CBFA2T3: variants seen among roughly 807,000 people sequenced by gnomAD.
CBFA2T3 encodes the protein CBFA2/RUNX1 partner transcriptional co-repressor 3, also known as transcriptional corepressor CBFA2T3.
Under a neutral mutation model 58.6 loss-of-function variants are expected in CBFA2T3, and 31 were observed. That is an observed-to-expected ratio of 0.53 (90% CI 0.40 to 0.71). The LOEUF is 0.71. Ranked by LOEUF, CBFA2T3 falls within the 30% of genes least tolerant of loss-of-function variation. The pLI, the probability that CBFA2T3 is intolerant of heterozygous loss-of-function variation, is 0.00. For synonymous variants in CBFA2T3, 531 were observed against 421.9 expected (o/e 1.26, Z -3.17); for missense variants, 1,076 against 963.1 (o/e 1.12, Z -1.55).
rs774528713 is a variant in CBFA2T3, at chr16:88,876,551, C to T, written c.*425G>A. On this transcript the variant is annotated 3_prime_UTR_variant, in exon 12 of 12. Coordinates refer to ENST00000268679, the MANE Select transcript of CBFA2T3 (RefSeq NM_005187.6). ...TTGCTGAAAATATAAGCCACCAATT[C>T]GATTTTTTCATTGAAGAGAAAGTGT... The T allele has an allele frequency of 1.4e-4, 33 of 244,226 alleles. No individual in the cohort carries two copies. The highest frequency in any genetic ancestry group is 5.3e-4 in the South Asian group (3 of 5,662). The allele number at this position is 244,226 out of a possible 1,614,324, so 15.1% of individuals were successfully genotyped here. A position where few individuals can be genotyped will look rare whatever the true frequency, so the allele number is the denominator to read the frequency against.
intron 1 of CBFA2T3, among the ~76,000 whole-genome samples, chr16:88,903,138 A>G (rs999114827): frequency 9.2e-5 from 14 of 152,180 alleles, no homozygotes; most frequent in Non-Finnish European, 2.1e-4. Flanking sequence ...TCAGACGGAG[A>G]GATCCACCCA....
At chr16:88,946,686 T>A (rs1971911463) in intron 1 of CBFA2T3, among the ~76,000 whole-genome samples, 1 of 152,164 alleles carries the variant, frequency 6.6e-6, no homozygotes, top group Admixed American at 6.5e-5. Context: ...TTTCACCATG[T>A]TGGCCAGGCT....
At chr16:88,896,192 T>C (rs1277283144) in intron 3 of CBFA2T3, among the ~76,000 whole-genome samples, 1 of 152,106 alleles carries the variant, frequency 6.6e-6, no homozygotes, top group Non-Finnish European at 1.5e-5. Flanking sequence ...CACAAAACCT[T>C]GAGTGCACGC....
At chr16:88,962,425 A>C (rs1373254765) in intron 1 of CBFA2T3, among the ~76,000 whole-genome samples, 1 of 152,258 alleles carries the variant, frequency 6.6e-6, no homozygotes, top group Non-Finnish European at 1.5e-5. Context: ...TGCTGTGTCC[A>C]CTGTGTCTGC....
chr16:88,877,061 G>A lies in CBFA2T3; in HGVS notation c.1877C>T (p.Ala626Val). The A allele has an allele frequency of 1.3e-6, 2 of 1,526,284 alleles. No individual in the cohort carries two copies. The highest frequency in any genetic ancestry group is 1.2e-5 in the South Asian group (1 of 83,226). The allele number at this position is 1,526,284 out of a possible 1,614,324, so 94.5% of individuals were successfully genotyped here. Reference sequence around the variant, plus strand: ...CGCAGAGCCGGCTTCGCTGGGGCTGGCAGCACCCACAGGCAGGGAGGGGCC... The same window carrying A: ...CGCAGAGCCGGCTTCGCTGGGGCTGACAGCACCCACAGGCAGGGAGGGGCC... ...SLGPSLPVGA[A>V]SPSEAGSAGP... is the part of the protein sequence containing the mutation. Residue 626 changes from alanine to valine, a missense_variant, in exon 12 of 12, where the codon GCC becomes GTC. Physicochemically the swap from Ala to Val is moderately conservative, Grantham distance 64 (BLOSUM62 0). Coordinates refer to ENST00000268679, the MANE Select transcript of CBFA2T3 (RefSeq NM_005187.6).
Position 88,976,696 on chromosome 16 carries a change from C to G in CBFA2T3, c.112G>C (p.Gly38Arg). 2.6e-6 allele frequency: 4 copies of G among 1,561,308 alleles called. No individual in the cohort carries two copies. Among genetic ancestry groups the G allele is most frequent in the Non-Finnish European group, 3.5e-6 (4 of 1,152,854 alleles). Residue 38 changes from glycine (G) to arginine (R), a missense_variant, in exon 1 of 12, where the codon GGC becomes CGC. Transcript: ENST00000268679. ...CTGGGACCCCGGGGTGCGGAGCAGC[C>G]GGCAGATGCCAGGAGGCCGCTCTCC... ...VLESGLLASA[G>R]CSAPRGPRKG...
In CBFA2T3 at chr16:88,943,195, A is replaced by G. The variant is rs970646665; in HGVS notation, c.151+33462T>C. Among the ~76,000 whole-genome samples, 11 of 152,228 alleles carry G rather than the reference A, an allele frequency of 7.2e-5. No individual in the cohort carries two copies. In the South Asian group the frequency reaches 8.3e-4, roughly 11 times the overall value. ...GAGAATTCAGCAGCGAACCACCCTGAAGTCAGTCGGGTTGTGAGCTAAACA... is the reference window on the plus strand; with the variant it reads ...GAGAATTCAGCAGCGAACCACCCTGGAGTCAGTCGGGTTGTGAGCTAAACA... On this transcript the variant is annotated intron_variant, in intron 1 of 11. Transcript: ENST00000268679.
At chr16:88,892,073 A>T in intron 4 of CBFA2T3, 102 bp from the exon 5 acceptor site, 1 of 1,358,370 alleles carries the variant, frequency 7.4e-7, no homozygotes, top group Non-Finnish European at 1.0e-6. Context: ...GGAGGCAGGC[A>T]GGCAGCCCAG....
chr16:88,945,555 A>G (rs902661832), intron 1 of CBFA2T3, among the ~76,000 whole-genome samples: 2 of 152,238 alleles, frequency 1.3e-5, no homozygotes, highest in Admixed American at 1.3e-4. Context: ...GATCTGGCAA[A>G]TAAGCACAGG....
In CBFA2T3 at chr16:88,879,447, A is replaced by T. The variant is rs1968976883; in HGVS notation, c.1485T>A (p.Asn495Lys). 2 of 1,611,330 alleles carry T rather than the reference A, an allele frequency of 1.2e-6. No individual in the cohort carries two copies. Among genetic ancestry groups the T allele is most frequent in the Non-Finnish European group, 1.7e-6 (2 of 1,178,270 alleles). The change falls in exon 11 of 12, where the codon AAT (asparagine) becomes AAA (lysine). Residue 495 changes from asparagine to lysine, a missense_variant. Physicochemically the swap from Asn to Lys is moderately conservative, Grantham distance 94. Transcript: ENST00000268679. ...DIWRKAEEAV[N>K]EVKRQAMSEL... The stretch of plus-strand genomic sequence containing the variant: ...CCGACATGGCCTGCCGCTTCACCTC[A>T]TTCACGGCCTCTTCTGCAAAGGACA...
chr16:88,893,418 G>T (rs899981298), intron 3 of CBFA2T3, among the ~76,000 whole-genome samples: 1 of 151,956 alleles, frequency 6.6e-6, no homozygotes, highest in African/African-American at 2.4e-5. Flanking sequence ...CCAGACAGGT[G>T]ACTCCCAGCC....
intron 1 of CBFA2T3, among the ~76,000 whole-genome samples, chr16:88,956,118 G>A (rs1026105775): frequency 6.6e-6 from 1 of 152,266 alleles, no homozygotes. Flanking sequence ...AAGACTCAAA[G>A]GCTTTGGGAA....
At chr16:88,904,109 T>C (rs1325312513) in intron 1 of CBFA2T3, among the ~76,000 whole-genome samples, 9 of 151,776 alleles carry the variant, frequency 5.9e-5, no homozygotes, top group Admixed American at 1.3e-4. Context: ...ACCTGCGTGC[T>C]CACGGCCACC....
At position 88,885,242 on chromosome 16, in the gene CBFA2T3, G is replaced by A; in HGVS notation, c.921C>T (p.Asp307=). 1 of 1,574,842 alleles carries A rather than the reference G, an allele frequency of 6.3e-7. No individual in the cohort carries two copies. The highest frequency in any genetic ancestry group is 1.2e-5 in the South Asian group (1 of 86,324). The change falls in exon 7 of 12, where the codon GAC becomes GAT. Residue 307 remains aspartate (D), a synonymous_variant. Coordinates refer to ENST00000268679, the MANE Select transcript of CBFA2T3 (RefSeq NM_005187.6). This position sits in a 1 kb window ranked among gnomAD's most constrained non-coding sequence, Gnocchi z 5.3. ...TGCTGAGGTGCTCGGGGTGCAGCGG[G>A]TCGCGGTCTGACCCGTTCTCTTTGG... The part of the protein sequence containing the change: ...DRTKENGSDR[D]PLHPEHLSKR...
intron 5 of CBFA2T3, among the ~76,000 whole-genome samples, chr16:88,888,240 G>A (rs1046182603): frequency 6.6e-6 from 1 of 151,350 alleles, no homozygotes; most frequent in Non-Finnish European, 1.5e-5. Context: ...CCGTTTCTAG[G>A]ATGATGTCTT....
intron 1 of CBFA2T3, among the ~76,000 whole-genome samples, chr16:88,973,475 C>T (rs145250192): frequency 4.5e-4 from 69 of 152,318 alleles, no homozygotes; most frequent in African/African-American, 1.6e-3. Context: ...TCTGAGCCCC[C>T]AGCCAGCTTG....
intron 1 of CBFA2T3, among the ~76,000 whole-genome samples, chr16:88,926,809 G>A (rs550522156): frequency 6.6e-6 from 1 of 152,326 alleles, no homozygotes; most frequent in South Asian, 2.1e-4. Flanking sequence ...TCGGTGCACC[G>A]TGGGCTCCCA....
intron 1 of CBFA2T3, among the ~76,000 whole-genome samples, chr16:88,929,654 CT>C: frequency 8.3e-6 from 1 of 120,980 alleles, no homozygotes; most frequent in African/African-American, 2.8e-5. Context: ...ATACCCACAG[CT>C]GCGTGGTCCA....
chr16:88,926,555 T>C (rs74035897), intron 1 of CBFA2T3, among the ~76,000 whole-genome samples: 1,931 of 152,344 alleles, frequency 0.013, 41 homozygotes, highest in African/African-American at 0.045. Context: ...TTGTCATGCG[T>C]CACACCAGGT....
Sources: allele counts gnomAD v4.1 joint callset (sites outside exome capture counted in the v4.1 genomes callset), GRCh38; gene constraint gnomAD v4.1.1; non-coding constraint Gnocchi (gnomAD v3.1); transcripts MANE v1.5; gene names NCBI Gene and HGNC (gene_info 2026-07-23, HGNC 2026-07-21).